FBN1: variants seen among roughly 807,000 people sequenced by gnomAD.
FBN1 encodes the protein fibrillin-1.
FBN1 carries 29 observed loss-of-function variants against 365.1 expected under a neutral mutation model. The ratio of observed to expected loss-of-function variants is 0.08; its 90% confidence interval spans 0.06 to 0.11. The LOEUF is 0.11. Among genes scored for constraint, FBN1 ranks in the 10% least tolerant of loss-of-function variants. The pLI is 1.00. For synonymous variants in FBN1, 1,210 were observed against 1,270.5 expected, an observed-to-expected ratio of 0.95 and a Z score of 1.01; for missense variants, 2,476 against 3,703.2, an observed-to-expected ratio of 0.67 and a Z score of 8.60.
In FBN1 at chr15:48,519,856, A is replaced by C. The variant is rs1478018285; in HGVS notation, c.1147+803T>G. On this transcript the variant is annotated intron_variant, in intron 10 of 65. Transcript: ENST00000316623. ...AAGTAGCAAATGTTCTTTGCAAGAA[A>C]TGGAGTGAATTGGCCACTAAATATT... Among the ~76,000 whole-genome samples the C allele has an allele frequency of 6.6e-5, 10 of 152,218 alleles. No homozygotes were observed. In the East Asian group the frequency reaches 1.9e-3, roughly 29 times the overall value.
chr15:48,456,878 A>ATGTGTG (rs2043245041), intron 43 of FBN1, 116 bp from the exon 44 acceptor site: 1 of 589,536 alleles, frequency 1.7e-6, no homozygotes, highest in African/African-American at 4.1e-5. Context: ...GTGTGCGTGC[A>ATGTGTG]TGTGTTGGGG....
rs371996489 is a variant in FBN1 at position 48,621,596 on chromosome 15, GTGGTATCCTAGATGGGAT to G, written c.165-8522_165-8505del. 7.2e-3 allele frequency among the ~76,000 whole-genome samples: 1,093 copies of G among 152,256 alleles called. 12 individuals carry two copies. The highest frequency in any genetic ancestry group is 0.025 in the African/African-American group (1,051 of 41,556). On this transcript the variant is annotated intron_variant, in intron 2 of 65. Transcript: ENST00000316623. Reference sequence around the variant, plus strand: ...AGAAAACATGACTACTAAATGCAGTGTGGTATCCTAGATGGGATTCTGAACATAAAAAGGACATTAAGT... The same window carrying G: ...AGAAAACATGACTACTAAATGCAGTGTCTGAACATAAAAAGGACATTAAGT...
intron 41 of FBN1, 140 bp downstream of exon 41, chr15:48,463,757 AAG>A (rs2043298865): frequency 5.3e-6 from 5 of 944,680 alleles, no homozygotes; most frequent in Non-Finnish European, 8.2e-6. Flanking sequence ...TTTATAGGGG[AAG>A]AGTCTCCTAA....
intron 6 of FBN1, among the ~76,000 whole-genome samples, chr15:48,545,144 A>C (rs1178971609): frequency 6.6e-6 from 1 of 152,246 alleles, no homozygotes; most frequent in Non-Finnish European, 1.5e-5. Flanking sequence ...CAAAGCCATG[A>C]AGCATAAAAT....
intron 22 of FBN1, among the ~76,000 whole-genome samples, chr15:48,494,496 C>T (rs572539997): frequency 1.3e-5 from 2 of 152,276 alleles, no homozygotes; most frequent in South Asian, 2.1e-4. Context: ...CACAGACGTG[C>T]CCTATAGATC....
intron 6 of FBN1, among the ~76,000 whole-genome samples, chr15:48,583,903 T>C (rs2044415999): frequency 6.6e-6 from 1 of 152,220 alleles, no homozygotes; most frequent in Non-Finnish European, 1.5e-5. Flanking sequence ...GATGTTGACC[T>C]TTCTATATCC....
chr15:48,627,137 T>A (rs145041038), intron 2 of FBN1, among the ~76,000 whole-genome samples: 28 of 152,362 alleles, frequency 1.8e-4, no homozygotes, highest in Admixed American at 6.5e-4. Flanking sequence ...CCAAAGAGAA[T>A]GTATTCTCTT....
At chr15:48,568,025 GA>G (rs1282817083) in intron 6 of FBN1, among the ~76,000 whole-genome samples, 9 of 95,584 alleles carry the variant, frequency 9.4e-5, no homozygotes, top group African/African-American at 4.1e-4. Context: ...AAGAAAGAAA[GA>G]AAGAAAGAAA....
chr15:48,465,714 G>A, intron 39 of FBN1, 21 bp from the exon 40 acceptor site: 1 of 1,613,762 alleles, frequency 6.2e-7, no homozygotes, highest in South Asian at 1.1e-5. Flanking sequence ...CAAAACAAAG[G>A]CATTCCTTTA....
chr15:48,515,705 C>G (rs1463168571), intron 11 of FBN1, among the ~76,000 whole-genome samples, 178 bp from the exon 12 acceptor site: 1 of 152,218 alleles, frequency 6.6e-6, no homozygotes, highest in Non-Finnish European at 1.5e-5. Flanking sequence ...TCACATTGCA[C>G]TGTGAGCACT....
At chr15:48,548,457 G>T (rs77799924) in intron 6 of FBN1, among the ~76,000 whole-genome samples, 24 of 152,318 alleles carry the variant, frequency 1.6e-4, no homozygotes, top group African/African-American at 5.5e-4. Flanking sequence ...GCTAAGTGTT[G>T]CCCAGTGGAG....
chr15:48,534,833 G>C (rs1394115221), intron 7 of FBN1, among the ~76,000 whole-genome samples: 3 of 152,202 alleles, frequency 2.0e-5, no homozygotes, highest in Non-Finnish European at 4.4e-5. Flanking sequence ...AGGTGAGTGA[G>C]TGTGTAGTTT....
intron 5 of FBN1, among the ~76,000 whole-genome samples, chr15:48,598,508 A>T (rs1267340232): frequency 6.6e-6 from 1 of 152,192 alleles, no homozygotes; most frequent in East Asian, 1.9e-4. Context: ...CTGGCCCATG[A>T]CATCCTATCT....
At chr15:48,572,759 T>A (rs773607353) in intron 6 of FBN1, among the ~76,000 whole-genome samples, 3 of 152,104 alleles carry the variant, frequency 2.0e-5, no homozygotes, top group Non-Finnish European at 4.4e-5. Context: ...GCAAAGGAAC[T>A]AGGGAGAAAA....
At chr15:48,613,665 C>T (rs142337009) in intron 2 of FBN1, among the ~76,000 whole-genome samples, 2 of 152,272 alleles carry the variant, frequency 1.3e-5, no homozygotes, top group African/African-American at 4.8e-5. Flanking sequence ...CGGTGGCTCA[C>T]GCCTGTAATC....
chr15:48,638,096 A>G (rs1890127756), intron 2 of FBN1, among the ~76,000 whole-genome samples: 1 of 150,738 alleles, frequency 6.6e-6, no homozygotes, highest in Non-Finnish European at 1.5e-5. Context: ...GTGCAGTGGC[A>G]TGATCATAGC....
chr15:48,584,328 T>A (rs1307472345), intron 6 of FBN1, among the ~76,000 whole-genome samples: 1 of 152,194 alleles, frequency 6.6e-6, no homozygotes, highest in African/African-American at 2.4e-5. Context: ...CCTCAGAGCG[T>A]GAGTTCGTGA....
chr15:48,582,945 A>G (rs1276230667), intron 6 of FBN1, among the ~76,000 whole-genome samples: 4 of 152,170 alleles, frequency 2.6e-5, no homozygotes, highest in Admixed American at 6.5e-5. Context: ...TCCTCTGGGA[A>G]GAGTCTCATG....
At position 48,516,299 on chromosome 15, in the gene FBN1, G is replaced by A. The variant is rs779930519; in HGVS notation, c.1211C>T (p.Pro404Leu). The A allele has an allele frequency of 1.9e-6, 3 of 1,613,806 alleles. No homozygotes were observed. The highest frequency in any genetic ancestry group is 2.2e-5 in the East Asian group (1 of 44,888). Residue 404 changes from proline to leucine, a missense_variant, in exon 11 of 66, where the codon CCA becomes CTA. Coordinates refer to ENST00000316623, the MANE Select transcript of FBN1 (RefSeq NM_000138.5). ...VIPGRPEYPP[P>L]PLGPIPPVLP... is the part of the protein sequence containing the mutation. ...AACTGGAGGAATGGGGCCAAGGGGTGGGGGAGGATATTCTGGTCTCCCAGG... is the reference window on the plus strand; with the variant it reads ...AACTGGAGGAATGGGGCCAAGGGGTAGGGGAGGATATTCTGGTCTCCCAGG...
Sources: gnomAD v4.1 joint callset for allele counts (sites outside exome capture counted in the v4.1 genomes callset) on GRCh38, gnomAD v4.1.1 for gene constraint, MANE v1.5 for transcripts, NCBI Gene and HGNC (gene_info 2026-07-23, HGNC 2026-07-21) for gene names.